Variants in DHX15 observed in about 807,000 individuals in gnomAD.
DHX15 encodes the protein ATP-dependent RNA helicase DHX15.
A neutral mutation model predicts 94.4 loss-of-function variants in DHX15; 11 were observed. The ratio of observed to expected loss-of-function variants is 0.12; its 90% CI spans 0.07 to 0.19. The LOEUF is 0.19. Among genes scored for constraint, DHX15 ranks in the 10% least tolerant of loss-of-function variants. The pLI is 1.00. For synonymous variants in DHX15, 338 were observed against 329.9 expected (o/e 1.02, Z -0.27); for missense variants, 304 against 988.5 (o/e 0.31, Z 9.29).
chr4:24,543,627 A>C (rs1721363131), intron 6 of DHX15, among the ~76,000 whole-genome samples: 1 of 152,196 alleles, frequency 6.6e-6, no homozygotes, highest in African/African-American at 2.4e-5. Context: ...GCAACTGTTA[A>C]GAACTATAAT....
At chr4:24,541,733 C>A (rs1721318116) in intron 8 of DHX15, 140 bp downstream of exon 8, 1 of 815,354 alleles carries the variant, frequency 1.2e-6, no homozygotes, top group East Asian at 2.7e-5. Flanking sequence ...GTTAATTACA[C>A]CATACATTTC....
chr4:24,541,500 G>A (rs1055778207), intron 8 of DHX15, among the ~76,000 whole-genome samples: 8 of 152,010 alleles, frequency 5.3e-5, no homozygotes, highest in South Asian at 2.1e-4. Context: ...TAAGTGAAAC[G>A]CTGAAAGTTA....
At chr4:24,529,183 G>A (rs951946286) in intron 13 of DHX15, among the ~76,000 whole-genome samples, 20 of 151,984 alleles carry the variant, frequency 1.3e-4, no homozygotes, top group African/African-American at 4.4e-4. Flanking sequence ...GCACCACCAT[G>A]CCCAGCTAAT....
Position 24,542,997 on chromosome 4 carries a change from C to T in DHX15, c.1278G>A (p.Thr426=), listed in dbSNP as rs745817057. ...KVVVSTNIAE[T]SLTIDGVVFV... ...ACACCACACCATCTATTGTCAAAGA[C>T]GTCTCTGCTATGTTAGTTGACACAA... Residue 426 remains threonine (T), a synonymous_variant, in exon 7 of 14, where the codon ACG becomes ACA. Coordinates refer to ENST00000336812, the MANE Select transcript of DHX15 (RefSeq NM_001358.3). The T allele has an allele frequency of 4.1e-5, 66 of 1,612,324 alleles. No homozygotes were observed. Among genetic ancestry groups the T allele is most frequent in the Middle Eastern group, 1.6e-4 (1 of 6,080 alleles).
At chr4:24,574,478 A>G (rs1722198462) in intron 2 of DHX15, among the ~76,000 whole-genome samples, 1 of 150,888 alleles carries the variant, frequency 6.6e-6, no homozygotes, top group Non-Finnish European at 1.5e-5. Context: ...CACAAACCTC[A>G]TCTTGAGTTG....
At chr4:24,573,926 T>A (rs1179795188) in intron 2 of DHX15, among the ~76,000 whole-genome samples, 1 of 143,442 alleles carries the variant, frequency 7.0e-6, no homozygotes, top group Non-Finnish European at 1.6e-5. Flanking sequence ...CCCGGTGCAG[T>A]GGCTTGGGCC....
intron 3 of DHX15, among the ~76,000 whole-genome samples, chr4:24,568,967 T>G (rs150697505): frequency 2.6e-5 from 4 of 152,330 alleles, no homozygotes; most frequent in African/African-American, 9.6e-5. Flanking sequence ...GATAAGCTTA[T>G]TTAAATATTT....
chr4:24,575,577 G>A (rs538624055), intron 2 of DHX15, among the ~76,000 whole-genome samples: 13 of 152,256 alleles, frequency 8.5e-5, no homozygotes, highest in Admixed American at 2.6e-4. Context: ...AAGGTAAATT[G>A]ATACGCTCCC....
chr4:24,535,726 C>T (rs115540120), intron 11 of DHX15, among the ~76,000 whole-genome samples: 33 of 152,274 alleles, frequency 2.2e-4, no homozygotes, highest in African/African-American at 7.0e-4. Flanking sequence ...TTAGGTACTA[C>T]GTCTGGTGCA....
chr4:24,540,486 T>G (rs544473367), intron 9 of DHX15, among the ~76,000 whole-genome samples, 187 bp from the exon 10 acceptor site: 9 of 152,148 alleles, frequency 5.9e-5, no homozygotes, highest in Admixed American at 5.9e-4. Context: ...AAAATTTTCC[T>G]GTAGGCAAAA....
At chr4:24,580,272 G>A (rs1577353522) in intron 1 of DHX15, among the ~76,000 whole-genome samples, 1 of 152,096 alleles carries the variant, frequency 6.6e-6, no homozygotes, top group South Asian at 2.1e-4. Flanking sequence ...AGCTAGGTGG[G>A]GTGGCACGCC....
intron 5 of DHX15, among the ~76,000 whole-genome samples, chr4:24,549,895 A>G (rs1470059310): frequency 1.3e-5 from 2 of 151,902 alleles, no homozygotes; most frequent in Non-Finnish European, 2.9e-5. Context: ...GGAGTTCGAG[A>G]CCACCCTGAC....
intron 3 of DHX15, among the ~76,000 whole-genome samples, chr4:24,564,840 T>C (rs1324113710): frequency 6.6e-6 from 1 of 152,174 alleles, no homozygotes; most frequent in Non-Finnish European, 1.5e-5. Flanking sequence ...ATTTAGAATC[T>C]ACAGTGTTTC....
At chr4:24,563,724 G>A (rs905510230) in intron 3 of DHX15, among the ~76,000 whole-genome samples, 2 of 152,114 alleles carry the variant, frequency 1.3e-5, no homozygotes, top group Non-Finnish European at 2.9e-5. Flanking sequence ...AAATCCTTTT[G>A]ATGTCGTATT....
At chr4:24,545,421 G>A (rs960699280) in intron 6 of DHX15, among the ~76,000 whole-genome samples, 5 of 151,928 alleles carry the variant, frequency 3.3e-5, no homozygotes, top group Admixed American at 6.6e-5. Flanking sequence ...TTAACAATTC[G>A]CGGATACATG....
intron 12 of DHX15, 69 bp from the exon 13 acceptor site, chr4:24,529,839 A>C (rs1391287800): frequency 3.4e-6 from 5 of 1,476,452 alleles, no homozygotes; most frequent in Non-Finnish European, 4.7e-6. Context: ...CTACCTACAT[A>C]ATTAGGAAGA....
In DHX15 at chr4:24,527,505, G is replaced by C. The variant is rs1255559274; in HGVS notation, c.*419C>G. The C allele has an allele frequency of 1.3e-5, 2 of 155,100 alleles. No individual in the cohort carries two copies. The highest frequency in any genetic ancestry group is 2.9e-5 in the Non-Finnish European group (2 of 69,638). The allele number at this position is 155,100 out of a possible 1,614,324, so 9.6% of individuals were successfully genotyped here. ...ATAAATAGACTTTATTGAAGTCAGT[G>C]CCTCTGTACTGAGACAGAAGATTGT... On this transcript the variant is annotated 3_prime_UTR_variant, in exon 14 of 14. Coordinates refer to ENST00000336812, the MANE Select transcript of DHX15 (RefSeq NM_001358.3).
intron 1 of DHX15, among the ~76,000 whole-genome samples, chr4:24,583,315 G>C (rs1332504734): frequency 6.6e-6 from 1 of 152,120 alleles, no homozygotes; most frequent in Non-Finnish European, 1.5e-5. Flanking sequence ...TTAAGGAAAG[G>C]AATCTGGAAC....
At chr4:24,567,237 A>G (rs1251566731) in intron 3 of DHX15, among the ~76,000 whole-genome samples, 1 of 152,230 alleles carries the variant, frequency 6.6e-6, no homozygotes, top group Non-Finnish European at 1.5e-5. Flanking sequence ...TTCCCTAAAA[A>G]ATTATCAGCT....
Sources: allele counts gnomAD v4.1 joint callset (sites outside exome capture counted in the v4.1 genomes callset), GRCh38; gene constraint gnomAD v4.1.1; transcripts MANE v1.5; gene names NCBI Gene and HGNC (gene_info 2026-07-23, HGNC 2026-07-21).